The following TMTC4 variants were observed in gnomAD, a reference collection of about 807,000 sequenced individuals.
TMTC4 encodes the protein transmembrane O-mannosyltransferase targeting cadherins 4, also known as protein O-mannosyl-transferase TMTC4.
TMTC4 carries 65 observed loss-of-function variants against 86.0 expected under a neutral mutation model. The ratio of observed to expected loss-of-function variants is 0.76; its 90% CI spans 0.62 to 0.93. The LOEUF (loss-of-function observed/expected upper bound fraction) is 0.93, where lower values mean the gene tolerates loss of function less well. TMTC4 is among the 40% of genes least tolerant of loss of function. TMTC4 has a pLI of 0.00. For missense variants in TMTC4, 866 were observed against 948.1 expected (o/e 0.91, Z 1.14); for synonymous variants, 379 against 382.5 (o/e 0.99, Z 0.11).
intron 8 of TMTC4, 55 bp downstream of exon 8, chr13:100,637,875 C>T (rs1277268273): frequency 6.5e-7 from 1 of 1,548,560 alleles, no homozygotes; most frequent in Non-Finnish European, 8.8e-7. Context: ...CATTTTAAAT[C>T]AGCTGGTACT....
chr13:100,668,804 AAAC>A lies in TMTC4; in HGVS notation c.4-13_4-11del, dbSNP rs1886713806. On this transcript the variant is annotated splice_polypyrimidine_tract_variant and intron_variant, in intron 2 of 18. Coordinates refer to ENST00000342624, the MANE Select transcript of TMTC4 (RefSeq NM_032813.5). ...TATGCTGGTTAGGAATCTGCAGGAA[AAAC>A]AACACTGTATAAATATTCATCAACA... 2 of 1,613,684 alleles carry A rather than the reference AAAC, an allele frequency of 1.2e-6. No individual in the cohort carries two copies. Among genetic ancestry groups the A allele is most frequent in the Non-Finnish European group, 1.7e-6 (2 of 1,179,818 alleles).
chr13:100,647,391 A>G (rs1883897213), intron 6 of TMTC4, among the ~76,000 whole-genome samples: 1 of 152,166 alleles, frequency 6.6e-6, no homozygotes, highest in African/African-American at 2.4e-5. Context: ...ATAGCTCACT[A>G]GAAACCAAAT....
chr13:100,614,968 C>A (rs886244896), intron 15 of TMTC4: 1 of 984,552 alleles, frequency 1.0e-6, no homozygotes, highest in Non-Finnish European at 1.2e-6. Flanking sequence ...CTGCCTGTGT[C>A]TAAAGTAAAT....
In TMTC4 at chr13:100,616,841, C is replaced by T. The variant is rs931601643; in HGVS notation, c.1837-2411G>A. 2.6e-5 allele frequency among the ~76,000 whole-genome samples: 4 copies of T among 152,264 alleles called. No homozygotes were observed. In the East Asian group the frequency reaches 7.7e-4, roughly 29 times the overall value. ...TCTTTTGAGAAGTGTCTGGTCACGC[C>T]TTTTGCCCACTTTTTAATGGGGCTG... On this transcript the variant is annotated intron_variant, in intron 15 of 18. Coordinates refer to ENST00000342624, the MANE Select transcript of TMTC4 (RefSeq NM_032813.5).
chr13:100,616,871 T>A (rs1333257833), intron 15 of TMTC4, among the ~76,000 whole-genome samples: 1 of 152,206 alleles, frequency 6.6e-6, no homozygotes, highest in East Asian at 1.9e-4. Context: ...GGGCTGTTTT[T>A]TTGCTTGTTG....
In TMTC4 at chr13:100,615,328, G is replaced by A. The variant is rs555706947; in HGVS notation, c.1837-898C>T. Among the ~76,000 whole-genome samples, 7 of 152,008 alleles carry A rather than the reference G, an allele frequency of 4.6e-5. No homozygotes were observed. The South Asian group carries it at 1.0e-3, about 23-fold the overall frequency. On this transcript the variant is annotated intron_variant, in intron 15 of 18. Transcript: ENST00000342624. ...AATTTTTTCTATTTTGAGTAGAGACGGGGTTTCACCATATTGGCCAGACTG... is the reference window on the plus strand; with the variant it reads ...AATTTTTTCTATTTTGAGTAGAGACAGGGTTTCACCATATTGGCCAGACTG...
chr13:100,612,286 C>T (rs1045296144), intron 17 of TMTC4, 112 bp downstream of exon 17: 11 of 804,030 alleles, frequency 1.4e-5, no homozygotes, highest in Non-Finnish European at 2.0e-5. Context: ...ATTGGTGCAC[C>T]ACTGCCACTG....
At chr13:100,632,570 A>G (rs760045365) in intron 12 of TMTC4, among the ~76,000 whole-genome samples, 1 of 152,236 alleles carries the variant, frequency 6.6e-6, no homozygotes, top group Non-Finnish European at 1.5e-5. Flanking sequence ...TTGATAAGTC[A>G]ACAAATCAAA....
chr13:100,616,378 T>C (rs940135423), intron 15 of TMTC4, among the ~76,000 whole-genome samples: 18 of 152,128 alleles, frequency 1.2e-4, no homozygotes, highest in Non-Finnish European at 2.9e-5. Flanking sequence ...AATTTTTGTA[T>C]TTTTAGTAGA....
At chr13:100,639,771 C>G (rs1812138887) in intron 7 of TMTC4, among the ~76,000 whole-genome samples, 1 of 151,886 alleles carries the variant, frequency 6.6e-6, no homozygotes, top group Admixed American at 6.6e-5. Flanking sequence ...AAAACCCTGT[C>G]TCTACTAAAA....
At chr13:100,659,296 C>A (rs1374606905) in intron 5 of TMTC4, among the ~76,000 whole-genome samples, 1 of 152,156 alleles carries the variant, frequency 6.6e-6, no homozygotes, top group Non-Finnish European at 1.5e-5. Context: ...GAGACAGGGT[C>A]TCACTCTGTT....
intron 6 of TMTC4, among the ~76,000 whole-genome samples, chr13:100,642,902 G>A (rs975513294): frequency 6.6e-6 from 1 of 152,188 alleles, no homozygotes. Flanking sequence ...CCTAGCACCT[G>A]GGGCAGGTAA....
chr13:100,674,523 T>A, intron 1 of TMTC4: 11 of 976,536 alleles, frequency 1.1e-5, no homozygotes, highest in Non-Finnish European at 1.3e-5. Context: ...GCCGCGCCCT[T>A]TGTCCCATGT....
At chr13:100,671,985 C>T (rs1390723974) in intron 1 of TMTC4, among the ~76,000 whole-genome samples, 1 of 152,084 alleles carries the variant, frequency 6.6e-6, no homozygotes, top group Non-Finnish European at 1.5e-5. Flanking sequence ...CTGGACTTGC[C>T]GGCTGCACGA....
intron 3 of TMTC4, 97 bp from the exon 4 acceptor site, chr13:100,664,433 A>G: frequency 1.3e-6 from 1 of 781,366 alleles, no homozygotes. Context: ...CAGGCCTCCT[A>G]GCGGGGATGC....
At chr13:100,625,240 T>G in intron 15 of TMTC4, 1 of 361,662 alleles carries the variant, frequency 2.8e-6, no homozygotes, top group East Asian at 5.8e-5. Context: ...AAGTTACCCA[T>G]TGGAGTGCTG....
At chr13:100,653,458 G>A (rs183203580) in intron 6 of TMTC4, among the ~76,000 whole-genome samples, 45 of 152,280 alleles carry the variant, frequency 3.0e-4, no homozygotes, top group Non-Finnish European at 4.3e-4. Flanking sequence ...TAGGCATCCA[G>A]TCCTGAGGTC....
At chr13:100,670,057 C>T (rs1013980822) in intron 2 of TMTC4, among the ~76,000 whole-genome samples, 5 of 152,146 alleles carry the variant, frequency 3.3e-5, no homozygotes, top group African/African-American at 1.2e-4. Context: ...AGGCTGAAAG[C>T]AGAGGCACAG....
rs1340521684 is a variant in TMTC4, at chr13:100,665,589, A to G, written c.220-1253T>C. Among the ~76,000 whole-genome samples the G allele has an allele frequency of 2.0e-5, 3 of 152,190 alleles. No homozygotes were observed. The East Asian group carries it at 5.8e-4, about 29-fold the overall frequency. Reference sequence around the variant, plus strand: ...CGCGTGACCAGTTCCTGATTCCAACAGGTGGGCGCACCTGATGGGACAGCC... The same window carrying G: ...CGCGTGACCAGTTCCTGATTCCAACGGGTGGGCGCACCTGATGGGACAGCC... On this transcript the variant is annotated intron_variant, in intron 3 of 18. Transcript: ENST00000342624.
Sources: gnomAD v4.1 joint callset for allele counts (sites outside exome capture counted in the v4.1 genomes callset) on GRCh38, gnomAD v4.1.1 for gene constraint, MANE v1.5 for transcripts, NCBI Gene and HGNC (gene_info 2026-07-23, HGNC 2026-07-21) for gene names.